The following HS3ST5 variants were observed in gnomAD, a reference collection of about 807,000 sequenced individuals.
The protein encoded by HS3ST5 is heparan sulfate-glucosamine 3-sulfotransferase 5.
A neutral mutation model predicts 25.4 loss-of-function variants in HS3ST5; 10 were observed. The ratio of observed to expected loss-of-function variants is 0.39; its 90% CI spans 0.24 to 0.67. The LOEUF is 0.67. Ranked by LOEUF, HS3ST5 falls within the 30% of genes least tolerant of loss-of-function variation. The pLI is 0.44. For missense variants in HS3ST5, 324 were observed against 420.7 expected (o/e 0.77, Z 2.01); for synonymous variants, 170 against 162.4 (o/e 1.05, Z -0.36).
intron 2 of HS3ST5, among the ~76,000 whole-genome samples, chr6:114,175,887 T>G (rs1485135891): frequency 6.6e-6 from 1 of 152,226 alleles, no homozygotes; most frequent in Non-Finnish European, 1.5e-5. Context: ...TTTCTCTGTA[T>G]TTTTTAGTCT....
intron 3 of HS3ST5, among the ~76,000 whole-genome samples, chr6:114,108,372 CT>C (rs1328688311): frequency 1.3e-5 from 2 of 152,094 alleles, no homozygotes; most frequent in Admixed American, 1.3e-4. Context: ...GTGTAAGTTG[CT>C]TGAAATCCAC....
At chr6:114,278,425 T>G (rs562821105) in intron 1 of HS3ST5, among the ~76,000 whole-genome samples, 1 of 152,070 alleles carries the variant, frequency 6.6e-6, no homozygotes, top group South Asian at 2.1e-4. Context: ...ACAGAAAAAT[T>G]TCTCCCAAAT....
intron 3 of HS3ST5, among the ~76,000 whole-genome samples, chr6:114,152,546 A>G (rs1778508241): frequency 6.6e-6 from 1 of 152,166 alleles, no homozygotes; most frequent in Non-Finnish European, 1.5e-5. Flanking sequence ...TTTTATAAAG[A>G]AGGAGGAGTG....
At chr6:114,282,408 G>A (rs1239666117) in intron 1 of HS3ST5, among the ~76,000 whole-genome samples, 2 of 151,886 alleles carry the variant, frequency 1.3e-5, no homozygotes, top group African/African-American at 4.8e-5. Flanking sequence ...TATAATTGGA[G>A]AACGCCAAAA....
chr6:114,234,828 C>G (rs1294498869), intron 1 of HS3ST5, among the ~76,000 whole-genome samples: 3 of 152,078 alleles, frequency 2.0e-5, no homozygotes, highest in African/African-American at 7.2e-5. Context: ...AAAATTATAG[C>G]ACAAACCTTT....
intron 3 of HS3ST5, among the ~76,000 whole-genome samples, chr6:114,078,882 A>C (rs1160114515): frequency 3.9e-5 from 6 of 152,212 alleles, no homozygotes; most frequent in Non-Finnish European, 8.8e-5. Flanking sequence ...CACTTCAATA[A>C]AGCGAAAATT....
intron 3 of HS3ST5, among the ~76,000 whole-genome samples, chr6:114,117,619 A>G (rs1195668117): frequency 3.3e-5 from 5 of 152,180 alleles, no homozygotes; most frequent in African/African-American, 4.8e-5. Context: ...TGGCCATCCA[A>G]TCTAACTTCT....
At chr6:114,149,064 TA>T (rs1233930756) in intron 3 of HS3ST5, among the ~76,000 whole-genome samples, 1 of 152,188 alleles carries the variant, frequency 6.6e-6, no homozygotes, top group Admixed American at 6.5e-5. Flanking sequence ...TGGTGATTAT[TA>T]AAAAGTCAGG....
intron 1 of HS3ST5, among the ~76,000 whole-genome samples, chr6:114,273,846 C>T (rs1156406758): frequency 2.0e-5 from 3 of 151,892 alleles, no homozygotes; most frequent in Non-Finnish European, 2.9e-5. Flanking sequence ...GGAGAAGAGG[C>T]ACTGGAGATA....
At chr6:114,250,576 G>A (rs1445802240) in intron 1 of HS3ST5, among the ~76,000 whole-genome samples, 10 of 123,160 alleles carry the variant, frequency 8.1e-5, no homozygotes, top group African/African-American at 1.7e-4. Flanking sequence ...GCGAGACTCC[G>A]TCTCAAAAAA....
At chr6:114,098,738 T>TGTG (rs2114814872) in intron 3 of HS3ST5, among the ~76,000 whole-genome samples, 1 of 152,086 alleles carries the variant, frequency 6.6e-6, no homozygotes, top group African/African-American at 2.4e-5. Context: ...TGCATTCATC[T>TGTG]TAGAATAAAT....
chr6:114,145,839 C>T (rs1466484811), intron 3 of HS3ST5, among the ~76,000 whole-genome samples: 1 of 152,194 alleles, frequency 6.6e-6, no homozygotes, highest in African/African-American at 2.4e-5. Context: ...AGGATAATTT[C>T]TCACAGCAGT....
chr6:114,135,286 T>A (rs892596969), intron 3 of HS3ST5, among the ~76,000 whole-genome samples: 42 of 152,280 alleles, frequency 2.8e-4, no homozygotes, highest in Admixed American at 2.4e-3. Context: ...GTGACTGAGA[T>A]ACTGACCTGG....
intron 3 of HS3ST5, among the ~76,000 whole-genome samples, chr6:114,071,883 C>T (rs1329769907): frequency 6.6e-6 from 1 of 152,138 alleles, no homozygotes; most frequent in Non-Finnish European, 1.5e-5. Flanking sequence ...TTTTATGGAA[C>T]CATTAAAAAT....
intron 1 of HS3ST5, among the ~76,000 whole-genome samples, chr6:114,305,793 G>A (rs2114824494): frequency 6.6e-6 from 1 of 152,160 alleles, no homozygotes; most frequent in East Asian, 1.9e-4. Flanking sequence ...ACTCACCACT[G>A]ATTTTTGCAC....
rs374845001 is a variant in HS3ST5, at chr6:114,247,470, G to A, written c.-338-18692C>T. On this transcript the variant is annotated intron_variant, in intron 1 of 4. Coordinates refer to ENST00000312719, the MANE Select transcript of HS3ST5 (RefSeq NM_153612.4). ...CAGAAAATGCATGAATTTGAGGTTT[G>A]AGACTAGTCCAAGAAACAAGAGTGA... Among the ~76,000 whole-genome samples, 5 of 152,176 alleles carry A rather than the reference G, an allele frequency of 3.3e-5. No homozygotes were observed. In the East Asian group the frequency reaches 5.8e-4, roughly 18 times the overall value.
At chr6:114,185,672 C>G (rs1332364879) in intron 2 of HS3ST5, among the ~76,000 whole-genome samples, 1 of 151,694 alleles carries the variant, frequency 6.6e-6, no homozygotes, top group Non-Finnish European at 1.5e-5. Context: ...TTTGGTAATT[C>G]TCATAATATT....
At chr6:114,151,517 T>C (rs1325882633) in intron 3 of HS3ST5, among the ~76,000 whole-genome samples, 2 of 152,218 alleles carry the variant, frequency 1.3e-5, no homozygotes, top group African/African-American at 2.4e-5. Context: ...GGTCTGCAGC[T>C]ACCATCTGTG....
chr6:114,164,146 T>A, intron 3 of HS3ST5, among the ~76,000 whole-genome samples: 1 of 8,554 alleles, frequency 1.2e-4, no homozygotes, highest in South Asian at 0.12. Context: ...ATGTAGGATT[T>A]TTTTTGCTAT....
Sources: allele counts gnomAD v4.1 joint callset (sites outside exome capture counted in the v4.1 genomes callset), GRCh38; gene constraint gnomAD v4.1.1; transcripts MANE v1.5; gene names NCBI Gene and HGNC (gene_info 2026-07-23, HGNC 2026-07-21).